ASPHD1: variants seen among roughly 807,000 people sequenced by gnomAD.
The protein encoded by ASPHD1 is aspartate beta-hydroxylase domain containing 1.
A neutral mutation model predicts 28.3 loss-of-function variants in ASPHD1; 20 were observed. That is an observed-to-expected ratio of 0.71 (90% confidence interval 0.50 to 1.03). ASPHD1 has a LOEUF of 1.03. Ranked by LOEUF, ASPHD1 falls within the 50% of genes least tolerant of loss-of-function variation. ASPHD1 has a pLI of 0.00. For missense variants in ASPHD1, 479 were observed against 524.1 expected (o/e 0.91, Z 0.84); for synonymous variants, 240 against 221.2 (o/e 1.08, Z -0.75).
chr16:29,906,772 C>A, downstream of ASPHD1: 1 of 1,026,904 alleles, frequency 9.7e-7, no homozygotes, highest in South Asian at 1.5e-5. Flanking sequence ...GGAGGACCCA[C>A]GACTTGGCCA....
At chr16:29,908,146 C>T (rs1169677205), downstream of ASPHD1, among the ~76,000 whole-genome samples, 1 of 151,942 alleles carries the variant, frequency 6.6e-6, no homozygotes, top group Non-Finnish European at 1.5e-5. Flanking sequence ...GGGGAGGGGA[C>T]AAGGCACACA....
rs1484966380 is a variant in ASPHD1, at chr16:29,900,895, C to A, written c.-77C>A. 7.6e-7 allele frequency: 1 copy of A among 1,319,284 alleles called. No homozygotes were observed. The highest frequency in any genetic ancestry group is 2.5e-5 in the East Asian group (1 of 39,666). 81.7% of individuals were successfully genotyped at this position (1,319,284 alleles called of 1,614,324 possible). On this transcript the variant is annotated 5_prime_UTR_variant, in exon 1 of 3. Transcript: ENST00000308748. ...AAGGAGAAAGAAGAGGGTGAGGAGGCGACAGAGGGAGAGGAGGAAGAAGAG... is the reference window on the plus strand; with the variant it reads ...AAGGAGAAAGAAGAGGGTGAGGAGGAGACAGAGGGAGAGGAGGAAGAAGAG...
chr16:29,905,822 C>T lies in ASPHD1; in HGVS notation c.1098C>T (p.Ile366=). The T allele has an allele frequency of 1.2e-6, 2 of 1,613,792 alleles. No individual in the cohort carries two copies. The highest frequency in any genetic ancestry group is 1.1e-5 in the South Asian group (1 of 91,066). Residue 366 remains isoleucine (I), a synonymous_variant, in exon 3 of 3, where the codon ATC becomes ATT. Transcript: ENST00000308748. ...AAGATGGGCCTCGAGTGGTCTTCAT[C>T]GTGGACCTCTGGCACCCCAACGTGG... ...SPEDGPRVVF[I]VDLWHPNVAG... is the part of the protein sequence containing the mutation.
At chr16:29,911,559 T>C in intron 3 of ASPHD1, 2 of 591,244 alleles carry the variant, frequency 3.4e-6, no homozygotes, top group South Asian at 4.1e-5. Context: ...TGCCAGTTCC[T>C]AGAATGAGAG....
At position 29,904,966 on chromosome 16, in the gene ASPHD1, G is replaced by T; in HGVS notation, c.1063+1G>T. 2 of 1,608,868 alleles carry T rather than the reference G, an allele frequency of 1.2e-6. No homozygotes were observed. The highest frequency in any genetic ancestry group is 1.7e-6 in the Non-Finnish European group (2 of 1,176,344). ...TTTCTACACACAGTGGCTCACAATGGTAACGGGGTGCCCATTCTGCAGGGG... is the reference window on the plus strand; with the variant it reads ...TTTCTACACACAGTGGCTCACAATGTTAACGGGGTGCCCATTCTGCAGGGG... On this transcript the variant is annotated splice_donor_variant, in intron 2 of 2. Transcript: ENST00000308748. LOFTEE classifies it high-confidence loss of function.
intron 1 of ASPHD1, among the ~76,000 whole-genome samples, chr16:29,903,743 C>T (rs1169464566): frequency 6.6e-6 from 1 of 152,062 alleles, no homozygotes; most frequent in Admixed American, 6.6e-5. Context: ...TTCCCCCGTA[C>T]CACCTCCTGA....
intron 3 of ASPHD1, chr16:29,912,248 T>G (rs1176744270): frequency 2.1e-5 from 13 of 608,698 alleles, no homozygotes; most frequent in Non-Finnish European, 3.2e-5. Context: ...CCTTGCTGCT[T>G]CACACATCCA....
chr16:29,911,977 G>C, intron 3 of ASPHD1: 1 of 1,611,708 alleles, frequency 6.2e-7, no homozygotes, highest in Non-Finnish European at 8.5e-7. Flanking sequence ...GTGCTGGCCA[G>C]GAGCTGCTGC....
downstream of ASPHD1, chr16:29,907,047 G>A (rs2068625903): frequency 6.2e-7 from 1 of 1,613,796 alleles, no homozygotes; most frequent in African/African-American, 1.3e-5. Flanking sequence ...TGGGCCCCGG[G>A]GAGTCTCGTA....
chr16:29,912,861 T>G (rs930542397), intron 3 of ASPHD1, among the ~76,000 whole-genome samples: 2 of 152,246 alleles, frequency 1.3e-5, no homozygotes, highest in Non-Finnish European at 1.5e-5. Flanking sequence ...GCTCTGTATT[T>G]GTTGAATGAA....
chr16:29,905,126 G>A, intron 2 of ASPHD1, 161 bp downstream of exon 2: 1 of 561,512 alleles, frequency 1.8e-6, no homozygotes, highest in Non-Finnish European at 3.1e-6. Flanking sequence ...CAATGCCCTA[G>A]GACCACCACC....
chr16:29,911,078 C>T (rs2068699546), intron 3 of ASPHD1: 1 of 1,614,056 alleles, frequency 6.2e-7, no homozygotes, highest in African/African-American at 1.3e-5. Context: ...GATCTCGTCC[C>T]CCAGGACATC....
At chr16:29,908,251 C>T (rs962197648), downstream of ASPHD1, among the ~76,000 whole-genome samples, 4 of 151,858 alleles carry the variant, frequency 2.6e-5, no homozygotes, top group African/African-American at 9.7e-5. Context: ...AAAAGGGAGG[C>T]CAATGCAATT....
intron 3 of ASPHD1, chr16:29,911,966 G>C (rs2068721259): frequency 6.2e-7 from 1 of 1,611,442 alleles, no homozygotes; most frequent in East Asian, 2.2e-5. Context: ...TCACCTTGGA[G>C]GTGCTGGCCA....
Position 29,901,797 on chromosome 16 carries a change from AG to A in ASPHD1, c.831del (p.Leu278PhefsTer5). 1 of 1,561,904 alleles carries A rather than the reference AG, an allele frequency of 6.4e-7. No individual in the cohort carries two copies. Among genetic ancestry groups the A allele is most frequent in the Non-Finnish European group, 8.7e-7 (1 of 1,153,564 alleles). On this transcript the variant is annotated frameshift_variant, in exon 1 of 3. Coordinates refer to ENST00000308748, the MANE Select transcript of ASPHD1 (RefSeq NM_181718.4). LOFTEE classifies it high-confidence loss of function. The surrounding 1 kb of genome is among the most constrained non-coding windows in gnomAD (Gnocchi z 5.1). Reference protein sequence around the residue: ...RRCPGAYRALRGLRSFMSANT... With the variant: ...RRCPGAYRALXGLRSFMSANT... Reference sequence around the variant, plus strand: ...GTGCCCGGGGGCCTATCGGGCACTGAGGGGGCTTCGAAGCTTTATGAGTGCC... The same window carrying A: ...GTGCCCGGGGGCCTATCGGGCACTGAGGGGCTTCGAAGCTTTATGAGTGCC...
At position 29,901,324 on chromosome 16, in the gene ASPHD1, G is replaced by C; in HGVS notation, c.353G>C (p.Gly118Ala). The change falls in exon 1 of 3, where the codon GGG (glycine) becomes GCG (alanine). Residue 118 changes from glycine (G) to alanine (A), a missense_variant. Coordinates refer to ENST00000308748, the MANE Select transcript of ASPHD1 (RefSeq NM_181718.4). The surrounding 1 kb of genome is among the most constrained non-coding windows in gnomAD (Gnocchi z 5.1). ...AGSRAGGVRGGPVGCSEAGGP... is the reference protein window; with the variant it reads ...AGSRAGGVRGAPVGCSEAGGP... ...AGCCGAGCTGGGGGTGTTCGTGGTG[G>C]GCCTGTGGGATGCTCGGAGGCCGGC... 1 of 1,609,506 alleles carries C rather than the reference G, an allele frequency of 6.2e-7. No homozygotes were observed. Among genetic ancestry groups the C allele is most frequent in the South Asian group, 1.1e-5 (1 of 90,816 alleles).
chr16:29,901,287 C>A lies in ASPHD1; in HGVS notation c.316C>A (p.Leu106Ile). 6.2e-7 allele frequency: 1 copy of A among 1,612,708 alleles called. No homozygotes were observed. Among genetic ancestry groups the A allele is most frequent in the East Asian group, 2.2e-5 (1 of 44,864 alleles). ...CCTGGGCTCCCAAGACATGCAGGCC[C>A]TAGGGGCTGGGAGCCGAGCTGGGGG... ...YRLGSQDMQA[L>I]GAGSRAGGVR... The change falls in exon 1 of 3, where the codon CTA becomes ATA. Residue 106 changes from leucine (L) to isoleucine (I), a missense_variant. Transcript: ENST00000308748. The surrounding 1 kb of genome is among the most constrained non-coding windows in gnomAD (Gnocchi z 5.1).
intron 1 of ASPHD1, among the ~76,000 whole-genome samples, chr16:29,903,153 C>T (rs992014952): frequency 6.6e-6 from 1 of 150,992 alleles, no homozygotes; most frequent in African/African-American, 2.4e-5. Flanking sequence ...GCTGGGAGTT[C>T]GAGACCAGCT....
intron 3 of ASPHD1, among the ~76,000 whole-genome samples, chr16:29,917,510 G>C (rs1211157302): frequency 6.6e-6 from 1 of 151,996 alleles, no homozygotes; most frequent in African/African-American, 2.4e-5. Flanking sequence ...AGACGGGTGT[G>C]GTGGCTCATG....
Sources: allele counts gnomAD v4.1 joint callset (sites outside exome capture counted in the v4.1 genomes callset), GRCh38; gene constraint gnomAD v4.1.1; non-coding constraint Gnocchi (gnomAD v3.1); transcripts MANE v1.5; gene names NCBI Gene and HGNC (gene_info 2026-07-23, HGNC 2026-07-21).